The following ATXN2L variants were observed in gnomAD, a reference collection of about 807,000 sequenced individuals.
The protein encoded by ATXN2L is ataxin 2 like, also known as ataxin-2-like protein.
A neutral mutation model predicts 120.7 loss-of-function variants in ATXN2L; 24 were observed. That is an observed-to-expected ratio of 0.20 (90% CI 0.14 to 0.28). ATXN2L has a LOEUF of 0.28. ATXN2L is among the 10% of genes least tolerant of loss of function. The probability of loss-of-function intolerance (pLI) is 1.00; values close to 1 mark genes in which losing one functional copy is unlikely to be tolerated. For missense variants in ATXN2L, 1,312 were observed against 1,432.3 expected (o/e 0.92, Z 1.36); for synonymous variants, 653 against 568.1 (o/e 1.15, Z -2.13).
intron 4 of ATXN2L, 194 bp downstream of exon 4, chr16:28,826,035 A>G (rs1159109184): frequency 1.2e-6 from 1 of 843,404 alleles, no homozygotes. Flanking sequence ...ATTTAAGTTT[A>G]AATTTTTGTG....
chr16:28,836,921 A>G lies in ATXN2L; in HGVS notation c.*656A>G. The G allele has an allele frequency of 1.1e-6, 1 of 875,514 alleles. No homozygotes were observed. The highest frequency in any genetic ancestry group is 1.7e-5 in the African/African-American group (1 of 59,822). 54.2% of individuals were successfully genotyped at this position (875,514 alleles called of 1,614,324 possible). On this transcript the variant is annotated 3_prime_UTR_variant, in exon 22 of 22. Coordinates refer to ENST00000336783, the MANE Select transcript of ATXN2L (RefSeq NM_007245.4). Reference sequence around the variant, plus strand: ...GGGGAATTCCTGCCAAGCACCTTGAATGGGAGGGGCCTCACAGAGGGCAGG... The same window carrying G: ...GGGGAATTCCTGCCAAGCACCTTGAGTGGGAGGGGCCTCACAGAGGGCAGG...
rs2053565729 is a variant in ATXN2L, at chr16:28,829,511, T to C, written c.833+19T>C. On this transcript the variant is annotated intron_variant, in intron 7 of 21. Coordinates refer to ENST00000336783, the MANE Select transcript of ATXN2L (RefSeq NM_007245.4). ...CTTATACGTGAGTATCTTGGTGCTC[T>C]CCAGGTGATGTGTTGGTGATATGGG... is the stretch of plus-strand genomic sequence containing the variant. The C allele has an allele frequency of 6.6e-7, 1 of 1,521,676 alleles. No homozygotes were observed. The highest frequency in any genetic ancestry group is 9.1e-7 in the Non-Finnish European group (1 of 1,096,094). The allele number at this position is 1,521,676 out of a possible 1,614,324, so 94.3% of individuals were successfully genotyped here.
intron 10 of ATXN2L, 65 bp downstream of exon 10, chr16:28,831,137 C>T (rs1415635604): frequency 2.7e-6 from 3 of 1,118,534 alleles, no homozygotes; most frequent in Non-Finnish European, 3.9e-6. Context: ...TAAATATGTC[C>T]ATTTGTTACA....
At chr16:28,834,889 A>G (rs978829787) in intron 18 of ATXN2L, 169 bp from the exon 19 acceptor site, 5 of 1,150,184 alleles carry the variant, frequency 4.3e-6, no homozygotes, top group African/African-American at 3.1e-5. Flanking sequence ...GGACATCTGT[A>G]TCTCTGAAGT....
In ATXN2L at chr16:28,823,291, C is replaced by T; in HGVS notation, c.32C>T (p.Ser11Phe). Residue 11 changes from serine (S) to phenylalanine (F), a missense_variant, in exon 1 of 22, where the codon TCC becomes TTC. By Grantham distance (155) the Ser-to-Phe change is radical. Coordinates refer to ENST00000336783, the MANE Select transcript of ATXN2L (RefSeq NM_007245.4). MLKPQPLQQP[S>F]QPQQPPPTQQ... ...AAGCCTCAGCCGCTACAACAGCCCT[C>T]CCAGCCCCAGCAGCCGCCCCCCACG... The T allele has an allele frequency of 2.0e-6, 3 of 1,499,102 alleles. No individual in the cohort carries two copies. The highest frequency in any genetic ancestry group is 2.7e-6 in the Non-Finnish European group (3 of 1,125,288). 92.9% of individuals were successfully genotyped at this position (1,499,102 alleles called of 1,614,324 possible).
intron 6 of ATXN2L, 65 bp from the exon 7 acceptor site, chr16:28,829,336 G>A: frequency 8.9e-7 from 1 of 1,125,516 alleles, no homozygotes; most frequent in Admixed American, 1.7e-5. Context: ...TTAACCTGAT[G>A]GAAGGGAAGT....
At chr16:28,832,160 T>A (rs765085324) in intron 10 of ATXN2L, 45 bp from the exon 11 acceptor site, 1 of 1,605,766 alleles carries the variant, frequency 6.2e-7, no homozygotes, top group Admixed American at 1.7e-5. Flanking sequence ...TACTCACTGC[T>A]GTTGACCAGC....
rs1458389453 is a variant in ATXN2L at position 28,830,731 on chromosome 16, C to T, written c.1151C>T (p.Pro384Leu). The part of the protein sequence containing the change: ...PGLSSLPPRG[P>L]HHLDNSSPGP... ...CTTAGCTCTTTGCCACCTCGTGGCCCTCACCATCTGGACAACAGCAGCCCT... is the reference window on the plus strand; with the variant it reads ...CTTAGCTCTTTGCCACCTCGTGGCCTTCACCATCTGGACAACAGCAGCCCT... Residue 384 changes from proline (P) to leucine (L), a missense_variant, in exon 9 of 22, where the codon CCT becomes CTT. Coordinates refer to ENST00000336783, the MANE Select transcript of ATXN2L (RefSeq NM_007245.4). 6.2e-6 allele frequency: 10 copies of T among 1,613,326 alleles called. No individual in the cohort carries two copies. Among genetic ancestry groups the T allele is most frequent in the East Asian group, 4.5e-5 (2 of 44,876 alleles).
rs1321845950 is a variant in ATXN2L, at chr16:28,835,010, C to T, written c.2434-48C>T. The T allele has an allele frequency of 3.8e-6, 6 of 1,583,190 alleles. No homozygotes were observed. The African/African-American group carries it at 5.4e-5, about 14-fold the overall frequency. The stretch of plus-strand genomic sequence containing the variant: ...CACGCAGTGACTGGCAGGAGGACAC[C>T]TTCCCAGCTGGCGGCTGTGCCAACC... On this transcript the variant is annotated intron_variant, in intron 18 of 21. Transcript: ENST00000336783.
chr16:28,834,568 G>T lies in ATXN2L; in HGVS notation c.2308G>T (p.Ala770Ser). Reference sequence around the variant, plus strand: ...AGCCTCAGCCCCGCCGATGATGCAGGCCGCCGCGGCTGCTGGCCCGCCTCT... The same window carrying T: ...AGCCTCAGCCCCGCCGATGATGCAGTCCGCCGCGGCTGCTGGCCCGCCTCT... Reference protein sequence around the residue: ...QPASAPPMMQAAAAAGPPLVA... With the variant: ...QPASAPPMMQSAAAAGPPLVA... The change falls in exon 18 of 22, where the codon GCC becomes TCC. Residue 770 changes from alanine to serine, a missense_variant. Ala to Ser is a moderately conservative substitution (Grantham distance 99). Transcript: ENST00000336783. 1 of 1,612,550 alleles carries T rather than the reference G, an allele frequency of 6.2e-7. No individual in the cohort carries two copies. The highest frequency in any genetic ancestry group is 8.5e-7 in the Non-Finnish European group (1 of 1,179,838).
intron 1 of ATXN2L, chr16:28,824,195 C>A (rs1447919164): frequency 9.7e-7 from 1 of 1,032,110 alleles, no homozygotes; most frequent in Non-Finnish European, 1.2e-6. Flanking sequence ...CATTCGCGCG[C>A]CCCGGGAACA....
rs1205975767 is a variant in ATXN2L at position 28,827,131 on chromosome 16, A to G, written c.741+145A>G. 6 of 953,200 alleles carry G rather than the reference A, an allele frequency of 6.3e-6. No individual in the cohort carries two copies. The South Asian group carries it at 1.7e-4, about 27-fold the overall frequency. 59.0% of individuals were successfully genotyped at this position (953,200 alleles called of 1,614,324 possible). On this transcript the variant is annotated intron_variant, in intron 6 of 21. Coordinates refer to ENST00000336783, the MANE Select transcript of ATXN2L (RefSeq NM_007245.4). ...CAAATAGAAAGGTATAGAAAATAGCAAAGTAAAAATATCTATTCTTAGCTG... is the reference window on the plus strand; with the variant it reads ...CAAATAGAAAGGTATAGAAAATAGCGAAGTAAAAATATCTATTCTTAGCTG...
chr16:28,823,792 C>T, intron 1 of ATXN2L: 1 of 413,500 alleles, frequency 2.4e-6, no homozygotes, highest in Non-Finnish European at 4.1e-6. Flanking sequence ...TCAGGGCTCG[C>T]AGCCCCGGCC....
chr16:28,832,374 A>G lies in ATXN2L; in HGVS notation c.1491A>G (p.Pro497=). 2 of 1,614,086 alleles carry G rather than the reference A, an allele frequency of 1.2e-6. No individual in the cohort carries two copies. Among genetic ancestry groups the G allele is most frequent in the Non-Finnish European group, 1.7e-6 (2 of 1,180,006 alleles). ...PGVGSISPAS[P]KISLAPTDVK... ...TGGGCTCCATTTCTCCAGCTTCTCC[A>G]AAGATCTCCCTGGCCCCCACAGATG... Residue 497 remains proline, a synonymous_variant, in exon 11 of 22, where the codon CCA becomes CCG. Transcript: ENST00000336783.
At chr16:28,831,468 C>T (rs2054391088) in intron 10 of ATXN2L, among the ~76,000 whole-genome samples, 2 of 152,140 alleles carry the variant, frequency 1.3e-5, no homozygotes, top group South Asian at 2.1e-4. Context: ...GCTGGGATTA[C>T]AGGCACCCAC....
chr16:28,833,432 C>T lies in ATXN2L; in HGVS notation c.1956-7C>T, dbSNP rs2055269709. On this transcript the variant is annotated splice_polypyrimidine_tract_variant and splice_region_variant and intron_variant, in intron 14 of 21. Transcript: ENST00000336783. ...GCCGTGAAGATTTACTGTACTTTCT[C>T]TCACAGACAAGTAAAGAAATCAACG... 8 of 1,614,082 alleles carry T rather than the reference C, an allele frequency of 5.0e-6. No homozygotes were observed. The South Asian group carries it at 5.5e-5, about 11-fold the overall frequency.
rs778627616 is a variant in ATXN2L at position 28,836,034 on chromosome 16, G to C, written c.2997G>C (p.Gly999=). 2.6e-5 allele frequency: 42 copies of C among 1,591,218 alleles called. No homozygotes were observed. The Middle Eastern group carries it at 8.4e-4, about 32-fold the overall frequency. The change falls in exon 22 of 22, where the codon GGG becomes GGC. Residue 999 remains glycine, a synonymous_variant. Coordinates refer to ENST00000336783, the MANE Select transcript of ATXN2L (RefSeq NM_007245.4). ...MLLHPPQSHG[G]PPQGAVPQSG... ...TGCACCCACCCCAGAGTCATGGGGG[G>C]CCCCCCCAAGGCGCGGTGCCCCAGA...
In ATXN2L at chr16:28,824,184, G is replaced by A. The variant is rs751275647; in HGVS notation, c.299+626G>A. ...GTGGATGCTCGGTCTCATGACCCGG[G>A]CATTCGCGCGCCCCGGGAACACCTA... On this transcript the variant is annotated intron_variant, in intron 1 of 21. Coordinates refer to ENST00000336783, the MANE Select transcript of ATXN2L (RefSeq NM_007245.4). The A allele has an allele frequency of 2.9e-6, 3 of 1,037,918 alleles. 1 individual carries two copies. Among genetic ancestry groups the A allele is most frequent in the Middle Eastern group, 9.5e-4 (2 of 2,102 alleles). The allele number at this position is 1,037,918 out of a possible 1,614,324, so 64.3% of individuals were successfully genotyped here.
At chr16:28,831,567 AT>A (rs2054436981) in intron 10 of ATXN2L, among the ~76,000 whole-genome samples, 1 of 151,974 alleles carries the variant, frequency 6.6e-6, no homozygotes, top group African/African-American at 2.4e-5. Flanking sequence ...TGACCTTGTG[AT>A]CCTCCCACCT....
Sources: allele counts gnomAD v4.1 joint callset (sites outside exome capture counted in the v4.1 genomes callset), GRCh38; gene constraint gnomAD v4.1.1; transcripts MANE v1.5; gene names NCBI Gene and HGNC (gene_info 2026-07-23, HGNC 2026-07-21).